TATDN1: variants seen among roughly 807,000 people sequenced by gnomAD.
TATDN1 encodes TatD DNase domain containing 1.
In TATDN1, 40 loss-of-function variants were observed where a neutral mutation model predicts 46.4. That is an observed-to-expected ratio of 0.86 (90% CI 0.67 to 1.12). The LOEUF (loss-of-function observed/expected upper bound fraction) is 1.12. Ranked by LOEUF, TATDN1 falls within the 50% of genes most tolerant of loss-of-function variation. TATDN1 has a pLI of 0.00. For missense variants in TATDN1, 326 were observed against 348.4 expected (o/e 0.94, Z 0.51); for synonymous variants, 95 against 105.6 (o/e 0.90, Z 0.62).
chr8:124,535,525 C>G (rs1821357539), intron 1 of TATDN1, among the ~76,000 whole-genome samples: 1 of 152,052 alleles, frequency 6.6e-6, no homozygotes, highest in South Asian at 2.1e-4. Flanking sequence ...GATTTTGGTA[C>G]TAGTTAAGAT....
chr8:124,537,722 AG>A (rs1308784900), intron 1 of TATDN1, among the ~76,000 whole-genome samples: 2 of 152,132 alleles, frequency 1.3e-5, no homozygotes, highest in Non-Finnish European at 2.9e-5. Context: ...ATTATATCAA[AG>A]GTTAGGATGG....
At chr8:124,520,293 C>T (rs1563677916) in intron 3 of TATDN1, among the ~76,000 whole-genome samples, 1 of 151,692 alleles carries the variant, frequency 6.6e-6, no homozygotes, top group South Asian at 2.1e-4. Context: ...AAAAATTAGC[C>T]AGGCGTGGTG....
intron 4 of TATDN1, 131 bp from the exon 5 acceptor site, chr8:124,516,161 G>T: frequency 1.4e-6 from 1 of 720,866 alleles, no homozygotes; most frequent in Non-Finnish European, 2.1e-6. Context: ...CAAATTATAA[G>T]AACTGCATTA....
At chr8:124,532,926 AAC>A (rs1821093321) in intron 1 of TATDN1, among the ~76,000 whole-genome samples, 2 of 152,332 alleles carry the variant, frequency 1.3e-5, no homozygotes, top group East Asian at 1.9e-4. Flanking sequence ...CTGTAAAGAC[AAC>A]ACAGTCTTTG....
Position 124,508,477 on chromosome 8 carries a change from T to G in TATDN1, c.513A>C (p.Gly171=), listed in dbSNP as rs774579802. 7 of 1,611,366 alleles carry G rather than the reference T, an allele frequency of 4.3e-6. No individual in the cohort carries two copies. The highest frequency in any genetic ancestry group is 5.9e-6 in the Non-Finnish European group (7 of 1,178,124). The part of the protein sequence containing the change: ...MKRNRDRCVG[G]VVHSFDGTKE... ...AAAATGACTATTTTATACTTACCAC[T>G]CCCCCTACACACCGATCTCTATTTC... Residue 171 remains glycine, a synonymous_variant, in exon 8 of 12, where the codon GGA becomes GGC. Transcript: ENST00000276692.
intron 1 of TATDN1, among the ~76,000 whole-genome samples, chr8:124,527,022 A>G (rs1033683317): frequency 2.0e-5 from 3 of 152,236 alleles, no homozygotes; most frequent in East Asian, 3.8e-4. Flanking sequence ...TCTATACATT[A>G]GGGAAGAACT....
intron 11 of TATDN1, among the ~76,000 whole-genome samples, chr8:124,490,639 A>G (rs1284771358): frequency 6.6e-6 from 1 of 152,232 alleles, no homozygotes; most frequent in Non-Finnish European, 1.5e-5. Flanking sequence ...ATTTCCATAC[A>G]TCTTCAGTGG....
intron 6 of TATDN1, among the ~76,000 whole-genome samples, chr8:124,511,054 T>C (rs1440670192): frequency 6.6e-6 from 1 of 152,198 alleles, no homozygotes; most frequent in Non-Finnish European, 1.5e-5. Context: ...GAAATAACTG[T>C]ATAAGTTACA....
chr8:124,513,754 G>A (rs1334398372), intron 6 of TATDN1, among the ~76,000 whole-genome samples: 3 of 152,138 alleles, frequency 2.0e-5, no homozygotes, highest in Admixed American at 6.6e-5. Flanking sequence ...AAAAAAACAC[G>A]GGGACTCTGC....
At chr8:124,538,894 C>A in intron 1 of TATDN1, 131 bp downstream of exon 1, 2 of 1,019,640 alleles carry the variant, frequency 2.0e-6, no homozygotes, top group Non-Finnish European at 1.5e-6. Context: ...CCTCCCCGCG[C>A]CCTCCTCCAC....
chr8:124,492,120 A>T (rs1415513659), intron 11 of TATDN1, among the ~76,000 whole-genome samples: 1 of 152,082 alleles, frequency 6.6e-6, no homozygotes, highest in Non-Finnish European at 1.5e-5. Flanking sequence ...CATTACGGGC[A>T]TCCGCCATGA....
Position 124,493,952 on chromosome 8 carries a change from A to G in TATDN1, c.672T>C (p.Pro224=). The G allele has an allele frequency of 6.2e-7, 1 of 1,606,546 alleles. No individual in the cohort carries two copies. The highest frequency in any genetic ancestry group is 1.7e-4 in the Middle Eastern group (1 of 5,824). The change falls in exon 11 of 12, where the codon CCT becomes CCC. Residue 224 remains proline, a synonymous_variant. Transcript: ENST00000276692. Reference sequence around the variant, plus strand: ...CATGTGTACTTTTGACTCCACACCAAGGTGCATCTAGTTAAGCAAAGAAAG... The same window carrying G: ...CATGTGTACTTTTGACTCCACACCAGGGTGCATCTAGTTAAGCAAAGAAAG... The part of the protein sequence containing the change: ...SEKLMIETDA[P]WCGVKSTHAG...
At chr8:124,504,250 C>T in intron 9 of TATDN1, 21 bp downstream of exon 9, 1 of 1,555,446 alleles carries the variant, frequency 6.4e-7, no homozygotes, top group Non-Finnish European at 8.7e-7. Flanking sequence ...AGTTAAAAAC[C>T]AAAGCAACCT....
In TATDN1 at chr8:124,518,819, A is replaced by T. The variant is rs375601354; in HGVS notation, c.201T>A (p.Asn67Lys). The T allele has an allele frequency of 6.2e-7, 1 of 1,608,534 alleles. No homozygotes were observed. Among genetic ancestry groups the T allele is most frequent in the African/African-American group, 1.3e-5 (1 of 74,818 alleles). The change falls in exon 4 of 12, where the codon AAT becomes AAA. Residue 67 changes from asparagine (N) to lysine (K), a missense_variant and splice_region_variant. Asn to Lys is a moderately conservative substitution (Grantham distance 94). Coordinates refer to ENST00000276692, the MANE Select transcript of TATDN1 (RefSeq NM_032026.4). ...TTGGTAAAAGAAATATGAGGATACCATTTGTTTGTGCCAAATGCAGTGCAT... is the reference window on the plus strand; with the variant it reads ...TTGGTAAAAGAAATATGAGGATACCTTTTGTTTGTGCCAAATGCAGTGCAT... ...SKDALHLAQT[N>K]GMFFSTVGCH...
At chr8:124,523,617 A>G (rs1255706036) in intron 1 of TATDN1, 1 of 152,298 alleles carries the variant, frequency 6.6e-6, no homozygotes, top group Non-Finnish European at 1.5e-5. Context: ...AAATAAAAGC[A>G]CAGTAAGGTA....
chr8:124,530,096 A>G (rs1384434217), intron 1 of TATDN1, among the ~76,000 whole-genome samples: 1 of 152,060 alleles, frequency 6.6e-6, no homozygotes, highest in African/African-American at 2.4e-5. Context: ...GTCTCAAAAA[A>G]AAACCATAAA....
chr8:124,537,524 T>C (rs1211148407), intron 1 of TATDN1, among the ~76,000 whole-genome samples: 6 of 152,158 alleles, frequency 3.9e-5, no homozygotes, highest in Admixed American at 6.5e-5. Context: ...AATGAAAGAT[T>C]TGAAGCAAAA....
In TATDN1 at chr8:124,493,889, T is replaced by C; in HGVS notation, c.735A>G (p.Lys245=). 5 of 1,612,322 alleles carry C rather than the reference T, an allele frequency of 3.1e-6. No homozygotes were observed. The highest frequency in any genetic ancestry group is 4.2e-6 in the Non-Finnish European group (5 of 1,179,888). ...AGCAGTGCCCACTTTCCCACTTCTT[T>C]TTGGTAGGAAATGCAGTTCTTATAT... ...SKYIRTAFPT[K]KKWESGHCLK... Residue 245 remains lysine, a synonymous_variant, in exon 11 of 12, where the codon AAA becomes AAG. Coordinates refer to ENST00000276692, the MANE Select transcript of TATDN1 (RefSeq NM_032026.4).
intron 8 of TATDN1, among the ~76,000 whole-genome samples, chr8:124,506,786 A>C (rs1818474845): frequency 6.6e-6 from 1 of 152,176 alleles, no homozygotes; most frequent in Non-Finnish European, 1.5e-5. Context: ...TCACTGAGTC[A>C]CTCTCCTGAA....
Sources: gnomAD v4.1 joint callset for allele counts (sites outside exome capture counted in the v4.1 genomes callset) on GRCh38, gnomAD v4.1.1 for gene constraint, MANE v1.5 for transcripts, NCBI Gene and HGNC (gene_info 2026-07-23, HGNC 2026-07-21) for gene names.